The following CLIP2 variants were observed in gnomAD, a reference collection of about 807,000 sequenced individuals.
The protein encoded by CLIP2 is CAP-Gly domain-containing linker protein 2.
A neutral mutation model predicts 111.7 loss-of-function variants in CLIP2; 41 were observed. The observed-to-expected ratio is 0.37, with a 90% CI of 0.29 to 0.48. The LOEUF (loss-of-function observed/expected upper bound fraction) is 0.48. Among genes scored for constraint, CLIP2 ranks in the 20% least tolerant of loss-of-function variants. The pLI is 0.99. For synonymous variants in CLIP2, 660 were observed against 644.2 expected (o/e 1.02, Z -0.37); for missense variants, 1,160 against 1,422.1 (o/e 0.82, Z 2.96).
At chr7:74,322,632 G>A (rs1247136799) in intron 2 of CLIP2, among the ~76,000 whole-genome samples, 1 of 151,650 alleles carries the variant, frequency 6.6e-6, no homozygotes, top group African/African-American at 2.4e-5. Flanking sequence ...TGCACCTCCT[G>A]GCCTCAAGCA....
intron 1 of CLIP2, among the ~76,000 whole-genome samples, chr7:74,311,419 G>A (rs974463976): frequency 9.2e-5 from 14 of 152,242 alleles, no homozygotes; most frequent in Non-Finnish European, 1.9e-4. Context: ...CAAATTTTTA[G>A]CCATTTCCCT....
intron 13 of CLIP2, among the ~76,000 whole-genome samples, chr7:74,395,817 T>C (rs1303910343): frequency 1.3e-5 from 2 of 148,752 alleles, no homozygotes; most frequent in Admixed American, 1.3e-4. Context: ...GATTTCCTTT[T>C]CTTACATAAC....
At chr7:74,371,789 C>T (rs906249357) in intron 8 of CLIP2, among the ~76,000 whole-genome samples, 8 of 151,798 alleles carry the variant, frequency 5.3e-5, no homozygotes, top group African/African-American at 1.9e-4. Context: ...AGAGAGAGAA[C>T]TTTTTTTGTT....
At position 74,376,245 on chromosome 7, in the gene CLIP2, C is replaced by T. The variant is rs868965454; in HGVS notation, c.1844C>T (p.Ser615Phe). The T allele has an allele frequency of 6.2e-7, 1 of 1,612,266 alleles. No individual in the cohort carries two copies. Among genetic ancestry groups the T allele is most frequent in the Non-Finnish European group, 8.5e-7 (1 of 1,179,242 alleles). ...ATGGGGCTAATGGACAACTGGAAAT[C>T]CAAGCTGGACTCGCTGGCCTCGGAC... ...ENMGLMDNWK[S>F]KLDSLASDHQ... Residue 615 changes from serine (S) to phenylalanine (F), a missense_variant, in exon 10 of 17, where the codon TCC (serine) becomes TTC (phenylalanine). By Grantham distance (155) the Ser-to-Phe change is radical (BLOSUM62 -2). This residue lies in a region of CLIP2 where 676 missense variants were observed against 777.8 expected (regional missense o/e 0.87). Coordinates refer to ENST00000223398, the MANE Select transcript of CLIP2 (RefSeq NM_003388.5). This position sits in a 1 kb window ranked among gnomAD's most constrained non-coding sequence, Gnocchi z 7.1.
At chr7:74,370,337 T>C (rs1790582110) in intron 8 of CLIP2, among the ~76,000 whole-genome samples, 1 of 149,520 alleles carries the variant, frequency 6.7e-6, no homozygotes, top group Non-Finnish European at 1.5e-5. Context: ...GCGCCTGCAG[T>C]CCCAGCTACT....
At chr7:74,401,921 C>T (rs968676740) in intron 16 of CLIP2, among the ~76,000 whole-genome samples, 7 of 150,968 alleles carry the variant, frequency 4.6e-5, no homozygotes, top group Admixed American at 1.3e-4. Flanking sequence ...CAAAATTAGC[C>T]GGGTAGGGTG....
chr7:74,373,493 G>T (rs1434313664), intron 9 of CLIP2, among the ~76,000 whole-genome samples: 1 of 152,014 alleles, frequency 6.6e-6, no homozygotes, highest in Non-Finnish European at 1.5e-5. Flanking sequence ...GTGAGACTCC[G>T]CCTCAAAAAC....
chr7:74,302,963 G>T (rs1584307133), intron 1 of CLIP2, among the ~76,000 whole-genome samples: 1 of 152,324 alleles, frequency 6.6e-6, no homozygotes, highest in East Asian at 1.9e-4. Context: ...GCCAGCAGCT[G>T]TGTGTGTTGC....
At chr7:74,374,737 A>C (rs782584440) in intron 9 of CLIP2, among the ~76,000 whole-genome samples, 3 of 152,284 alleles carry the variant, frequency 2.0e-5, no homozygotes, top group South Asian at 2.1e-4. Flanking sequence ...AACAAAAACC[A>C]AAAAACAAAA....
intron 7 of CLIP2, among the ~76,000 whole-genome samples, chr7:74,362,665 G>T (rs1002245970): frequency 1.3e-5 from 2 of 151,312 alleles, no homozygotes; most frequent in Non-Finnish European, 2.9e-5. Flanking sequence ...CTCCCAAGTA[G>T]CTGGGACTAC....
At chr7:74,297,779 G>C (rs543166855) in intron 1 of CLIP2, among the ~76,000 whole-genome samples, 1 of 152,074 alleles carries the variant, frequency 6.6e-6, no homozygotes, top group East Asian at 1.9e-4. Flanking sequence ...AATCCAACTC[G>C]ATGGGAGGAG....
intron 1 of CLIP2, among the ~76,000 whole-genome samples, chr7:74,303,594 AT>A (rs782240875): frequency 0.016 from 1,654 of 105,610 alleles, 23 homozygotes; most frequent in African/African-American, 0.044. Context: ...TGTGTCTCTT[AT>A]TTTTTTTTTT....
chr7:74,341,007 AAGGTTTCTCCTGG>A (rs1446297434), intron 3 of CLIP2, among the ~76,000 whole-genome samples: 4 of 152,152 alleles, frequency 2.6e-5, no homozygotes, highest in Admixed American at 6.6e-5. Flanking sequence ...GAACCTGGCA[AAGGTTTCTCCTGG>A]AGGTTTCTGG....
At chr7:74,375,660 C>A (rs1437942839) in intron 9 of CLIP2, among the ~76,000 whole-genome samples, 1 of 147,838 alleles carries the variant, frequency 6.8e-6, no homozygotes, top group East Asian at 2.1e-4. Flanking sequence ...GGCTCTGAAT[C>A]TTTGGGGTAC....
At chr7:74,300,339 T>C (rs1291969522) in intron 1 of CLIP2, among the ~76,000 whole-genome samples, 1 of 152,078 alleles carries the variant, frequency 6.6e-6, no homozygotes, top group Non-Finnish European at 1.5e-5. Flanking sequence ...TGTATTTTCA[T>C]GTATACCCAC....
chr7:74,335,039 G>A (rs1408162215), intron 2 of CLIP2, among the ~76,000 whole-genome samples: 1 of 151,958 alleles, frequency 6.6e-6, no homozygotes, highest in Admixed American at 6.6e-5. Context: ...AGCCAGACTA[G>A]CTGGGTGTCC....
chr7:74,335,382 A>G (rs1237625826), intron 2 of CLIP2, among the ~76,000 whole-genome samples: 1 of 151,756 alleles, frequency 6.6e-6, no homozygotes, highest in Non-Finnish European at 1.5e-5. Context: ...TTTTGTAGAG[A>G]CAGGGTCTTG....
At chr7:74,307,018 C>G (rs1788509412) in intron 1 of CLIP2, among the ~76,000 whole-genome samples, 1 of 152,210 alleles carries the variant, frequency 6.6e-6, no homozygotes, top group African/African-American at 2.4e-5. Flanking sequence ...TTCCTCTGTC[C>G]CACCAGCACA....
intron 3 of CLIP2, among the ~76,000 whole-genome samples, chr7:74,349,484 ATATATATATATATATATATATATATATG>A (rs1554307094): frequency 5.2e-5 from 6 of 116,444 alleles, no homozygotes; most frequent in Non-Finnish European, 8.6e-5. Context: ...ATATATATAT[ATATATATATATATATATATATATATATG>A]TAAATAAAAA....
Sources: allele counts gnomAD v4.1 joint callset (sites outside exome capture counted in the v4.1 genomes callset), GRCh38; gene constraint gnomAD v4.1.1; regional missense constraint gnomAD v4.1.1; non-coding constraint Gnocchi (gnomAD v3.1); transcripts MANE v1.5; gene names NCBI Gene and HGNC (gene_info 2026-07-23, HGNC 2026-07-21).